The following HHAT variants were observed in gnomAD, a reference collection of about 807,000 sequenced individuals.
HHAT encodes the protein hedgehog acyltransferase, also known as protein-cysteine N-palmitoyltransferase HHAT.
Under a neutral mutation model 70.8 loss-of-function variants are expected in HHAT, and 47 were observed. The ratio of observed to expected loss-of-function variants is 0.66; its 90% CI spans 0.53 to 0.85. HHAT has a LOEUF of 0.85. HHAT is among the 40% of genes least tolerant of loss of function. The pLI is 0.00. For synonymous variants in HHAT, 228 were observed against 247.6 expected, an observed-to-expected ratio of 0.92 and a Z score of 0.74; for missense variants, 609 against 604.8, an observed-to-expected ratio of 1.01 and a Z score of -0.07.
At chr1:210,401,905 A>T (rs192430880) in intron 5 of HHAT, among the ~76,000 whole-genome samples, 4,081 of 152,170 alleles carry the variant, frequency 0.027, 183 homozygotes, top group African/African-American at 0.088. Context: ...GCTCTGGACT[A>T]TCTGTTTCTG....
chr1:210,637,081 A>ATCGTATT, intron 11 of HHAT, among the ~76,000 whole-genome samples: 1 of 152,348 alleles, frequency 6.6e-6, no homozygotes, highest in East Asian at 1.9e-4. Context: ...GATAATAAAT[A>ATCGTATT]TAACCTTACA....
intron 8 of HHAT, 140 bp downstream of exon 8, chr1:210,464,795 C>G: frequency 1.3e-6 from 1 of 790,942 alleles, no homozygotes; most frequent in Non-Finnish European, 2.0e-6. Flanking sequence ...CTTCATCCTA[C>G]TAACAGGATG....
At chr1:210,488,070 A>G (rs1289807475) in intron 8 of HHAT, among the ~76,000 whole-genome samples, 1 of 152,150 alleles carries the variant, frequency 6.6e-6, no homozygotes, top group Non-Finnish European at 1.5e-5. Context: ...TCCTCTGTTA[A>G]TCTGTCTTAT....
chr1:210,445,721 G>A (rs2093621494), intron 7 of HHAT, among the ~76,000 whole-genome samples: 2 of 152,142 alleles, frequency 1.3e-5, no homozygotes, highest in Non-Finnish European at 2.9e-5. Flanking sequence ...GTGGTTGGTG[G>A]TGGACTGATT....
At chr1:210,381,763 A>C (rs1481020475) in intron 3 of HHAT, among the ~76,000 whole-genome samples, 1 of 152,228 alleles carries the variant, frequency 6.6e-6, no homozygotes, top group African/African-American at 2.4e-5. Flanking sequence ...TGGACTGATT[A>C]CAAAAAAAAT....
intron 9 of HHAT, among the ~76,000 whole-genome samples, chr1:210,517,411 G>A (rs955810970): frequency 3.9e-5 from 6 of 152,094 alleles, no homozygotes; most frequent in Admixed American, 3.3e-4. Context: ...ACTGCACCTG[G>A]CCAGCACTTT....
intron 8 of HHAT, among the ~76,000 whole-genome samples, chr1:210,485,689 CAAAG>C (rs1332041913): frequency 4.6e-5 from 7 of 152,120 alleles, no homozygotes; most frequent in African/African-American, 1.7e-4. Flanking sequence ...TGGCAGCAGA[CAAAG>C]AGAGAATGAG....
chr1:210,421,600 G>T (rs1022036514), intron 7 of HHAT, among the ~76,000 whole-genome samples: 49 of 151,978 alleles, frequency 3.2e-4, no homozygotes, highest in African/African-American at 1.1e-3. Context: ...ATGCACCACC[G>T]TGCCCAGCTA....
intron 1 of HHAT, among the ~76,000 whole-genome samples, chr1:210,343,589 G>A (rs2086227995): frequency 6.6e-6 from 1 of 152,206 alleles, no homozygotes; most frequent in African/African-American, 2.4e-5. Context: ...AGGTGAAAAT[G>A]AAAGTGGAAA....
At chr1:210,491,446 G>A (rs2094550691) in intron 8 of HHAT, among the ~76,000 whole-genome samples, 1 of 152,192 alleles carries the variant, frequency 6.6e-6, no homozygotes, top group Non-Finnish European at 1.5e-5. Flanking sequence ...TTTGAGCCGT[G>A]AAACTGTGCT....
chr1:210,566,358 G>A (rs1324869008), intron 9 of HHAT, among the ~76,000 whole-genome samples: 2 of 152,132 alleles, frequency 1.3e-5, no homozygotes, highest in Non-Finnish European at 2.9e-5. Context: ...ACAGGAGACA[G>A]GGAAATACTG....
intron 11 of HHAT, among the ~76,000 whole-genome samples, chr1:210,651,359 T>C (rs1009982933): frequency 6.6e-6 from 1 of 152,136 alleles, no homozygotes; most frequent in Non-Finnish European, 1.5e-5. Context: ...ACACAAGTAT[T>C]AGAAAGCTGA....
At chr1:210,648,126 A>G (rs889330119) in intron 11 of HHAT, among the ~76,000 whole-genome samples, 7 of 152,164 alleles carry the variant, frequency 4.6e-5, no homozygotes, top group Admixed American at 1.3e-4. Flanking sequence ...GACCCTCACC[A>G]CAGTTAAAAC....
chr1:210,646,316 G>GA (rs1194510559), intron 11 of HHAT, among the ~76,000 whole-genome samples: 3 of 152,142 alleles, frequency 2.0e-5, no homozygotes, highest in African/African-American at 7.2e-5. Context: ...TACTAAAGCA[G>GA]AAAAAAATAT....
chr1:210,463,790 G>T (rs1234661174), intron 7 of HHAT, among the ~76,000 whole-genome samples: 1 of 152,224 alleles, frequency 6.6e-6, no homozygotes, highest in African/African-American at 2.4e-5. Context: ...GGTGGTTCCA[G>T]TTTCTCCAGA....
chr1:210,359,683 T>C (rs1349092375), intron 2 of HHAT, among the ~76,000 whole-genome samples: 1 of 151,978 alleles, frequency 6.6e-6, no homozygotes, highest in Non-Finnish European at 1.5e-5. Flanking sequence ...CATGGGGTTT[T>C]AGTAGAAACC....
At chr1:210,360,304 G>GT (rs398053777) in intron 2 of HHAT, among the ~76,000 whole-genome samples, 17,719 of 138,028 alleles carry the variant, frequency 0.13, 1,161 homozygotes, top group Middle Eastern at 0.18. Flanking sequence ...TTGTTTTTGT[G>GT]TTTTTTTTTT....
At chr1:210,639,509 G>A (rs541643223) in intron 11 of HHAT, among the ~76,000 whole-genome samples, 9 of 152,332 alleles carry the variant, frequency 5.9e-5, no homozygotes, top group East Asian at 3.9e-4. Flanking sequence ...CATAGCCAGC[G>A]TCTTGCTGAA....
At chr1:210,481,400 G>A (rs2094394173) in intron 8 of HHAT, among the ~76,000 whole-genome samples, 1 of 116,228 alleles carries the variant, frequency 8.6e-6, no homozygotes, top group South Asian at 3.3e-4. Context: ...CTTGAATAAA[G>A]CTTTTCTAAC....
Sources: gnomAD v4.1 joint callset for allele counts (sites outside exome capture counted in the v4.1 genomes callset) on GRCh38, gnomAD v4.1.1 for gene constraint, MANE v1.5 for transcripts, NCBI Gene and HGNC (gene_info 2026-07-23, HGNC 2026-07-21) for gene names.